SHISA9: variants seen among roughly 807,000 people sequenced by gnomAD.
SHISA9 encodes the protein protein shisa-9.
Under a neutral mutation model 38.0 loss-of-function variants are expected in SHISA9, and 13 were observed. The ratio of observed to expected loss-of-function variants is 0.34; its 90% CI spans 0.22 to 0.54. SHISA9 has a LOEUF of 0.54. Ranked by LOEUF, SHISA9 falls within the 20% of genes least tolerant of loss-of-function variation. The probability of loss-of-function intolerance (pLI) is 0.91; values close to 1 mark genes in which losing one functional copy is unlikely to be tolerated. For missense variants in SHISA9, 538 were observed against 575.8 expected (o/e 0.93, Z 0.67); for synonymous variants, 275 against 242.0 (o/e 1.14, Z -1.27).
chr16:13,100,996 C>T (rs773925263), intron 2 of SHISA9, among the ~76,000 whole-genome samples: 14 of 152,182 alleles, frequency 9.2e-5, no homozygotes, highest in African/African-American at 2.7e-4. Flanking sequence ...GTGCTCACCC[C>T]GAGTTTGGCT....
At chr16:13,407,509 T>C in the SHISA9 span, among the ~76,000 whole-genome samples, 142 of 152,308 alleles carry the variant, frequency 9.3e-4, 1 homozygote, top group African/African-American at 3.3e-3. Context: ...CATATCTATT[T>C]TGAGGGGGAC....
At chr16:13,402,589 A>G in the SHISA9 span, among the ~76,000 whole-genome samples, 1 of 144,790 alleles carries the variant, frequency 6.9e-6, no homozygotes, top group East Asian at 2.0e-4. Context: ...ATCTCAGCTC[A>G]CTGTAACCAC....
the SHISA9 span, among the ~76,000 whole-genome samples, chr16:13,287,061 AAC>A: frequency 6.6e-6 from 1 of 152,178 alleles, no homozygotes; most frequent in South Asian, 2.1e-4. Context: ...ACAGACACCA[AAC>A]ACTACTTCTA....
chr16:13,432,874 T>C, the SHISA9 span, among the ~76,000 whole-genome samples: 18 of 152,172 alleles, frequency 1.2e-4, no homozygotes, highest in Admixed American at 4.6e-4. Flanking sequence ...TGAGAACACA[T>C]GGACACACTG....
At chr16:13,461,813 C>T in the SHISA9 span, among the ~76,000 whole-genome samples, 3 of 151,522 alleles carry the variant, frequency 2.0e-5, no homozygotes, top group African/African-American at 4.8e-5. Context: ...CGGGGTTTCA[C>T]CGTGTTAGCC....
At chr16:13,508,650 T>A in the SHISA9 span, among the ~76,000 whole-genome samples, 2 of 152,186 alleles carry the variant, frequency 1.3e-5, no homozygotes, top group Non-Finnish European at 2.9e-5. Context: ...AAGATAAAAT[T>A]CATTGTAGAT....
chr16:13,246,721 G>A, the SHISA9 span, among the ~76,000 whole-genome samples: 1 of 152,040 alleles, frequency 6.6e-6, no homozygotes, highest in Non-Finnish European at 1.5e-5. Context: ...GACGTTATGT[G>A]AGTTAGGAAT....
chr16:13,151,669 A>G (rs1446210360), intron 2 of SHISA9, among the ~76,000 whole-genome samples: 1 of 152,208 alleles, frequency 6.6e-6, no homozygotes, highest in African/African-American at 2.4e-5. Context: ...CTTGAACTAA[A>G]TACGTTTTAG....
chr16:12,968,104 C>G (rs1331207881), intron 2 of SHISA9, among the ~76,000 whole-genome samples: 1 of 140,404 alleles, frequency 7.1e-6, no homozygotes, highest in African/African-American at 2.7e-5. Flanking sequence ...GCGGGAGGAT[C>G]AGTTGAATCC....
chr16:13,519,908 C>G, the SHISA9 span, among the ~76,000 whole-genome samples: 9 of 152,132 alleles, frequency 5.9e-5, no homozygotes, highest in African/African-American at 2.2e-4. Context: ...ATGTGAACTA[C>G]AATTCCAGAT....
the SHISA9 span, among the ~76,000 whole-genome samples, chr16:13,281,592 G>C: frequency 6.8e-6 from 1 of 146,610 alleles, no homozygotes; most frequent in South Asian, 2.2e-4. Flanking sequence ...CTTTCTTGGG[G>C]TTATTTAAAT....
the SHISA9 span, among the ~76,000 whole-genome samples, chr16:13,540,268 C>T: frequency 3.3e-5 from 5 of 152,106 alleles, no homozygotes; most frequent in African/African-American, 9.7e-5. Context: ...CTCATGTTCC[C>T]TCACTCTTAT....
At chr16:13,127,470 C>A in intron 2 of SHISA9, among the ~76,000 whole-genome samples, 2 of 149,680 alleles carry the variant, frequency 1.3e-5, no homozygotes, top group Admixed American at 6.7e-5. Context: ...GAGAGAGAAA[C>A]AAGTAAAAGA....
chr16:13,034,595 C>G (rs2073031209), intron 2 of SHISA9, among the ~76,000 whole-genome samples: 1 of 152,188 alleles, frequency 6.6e-6, no homozygotes. Flanking sequence ...GACCTCCCTC[C>G]ATGCATACTC....
At chr16:13,081,473 G>A (rs909319979) in intron 2 of SHISA9, among the ~76,000 whole-genome samples, 4 of 152,178 alleles carry the variant, frequency 2.6e-5, no homozygotes, top group African/African-American at 9.7e-5. Context: ...AATTATTTAG[G>A]TAGAACATGA....
At chr16:13,164,694 A>G (rs1231232678) in intron 2 of SHISA9, among the ~76,000 whole-genome samples, 3 of 152,068 alleles carry the variant, frequency 2.0e-5, no homozygotes, top group Non-Finnish European at 2.9e-5. Context: ...TACATTTTTC[A>G]TTCTATTCAG....
chr16:13,387,643 C>A, the SHISA9 span, among the ~76,000 whole-genome samples: 1 of 152,092 alleles, frequency 6.6e-6, no homozygotes, highest in African/African-American at 2.4e-5. Flanking sequence ...GCACGTGCCA[C>A]CACGCCTGGC....
intron 2 of SHISA9, among the ~76,000 whole-genome samples, chr16:13,124,424 G>A (rs143442232): frequency 5.8e-4 from 88 of 152,280 alleles, no homozygotes; most frequent in African/African-American, 2.0e-3. Flanking sequence ...GCCCAAGAAA[G>A]GTTGGACCTG....
At chr16:13,339,505 C>T in the SHISA9 span, among the ~76,000 whole-genome samples, 1 of 152,184 alleles carries the variant, frequency 6.6e-6, no homozygotes, top group African/African-American at 2.4e-5. Context: ...GCAACAGTAG[C>T]ACCGACATAG....
Sources: gnomAD v4.1 joint callset for allele counts (sites outside exome capture counted in the v4.1 genomes callset) on GRCh38, gnomAD v4.1.1 for gene constraint, MANE v1.5 for transcripts, NCBI Gene and HGNC (gene_info 2026-07-23, HGNC 2026-07-21) for gene names.